The following SPTLC2 variants were observed in gnomAD, a reference collection of about 807,000 sequenced individuals.
SPTLC2 encodes the protein serine palmitoyltransferase 2.
SPTLC2 carries 21 observed loss-of-function variants against 62.0 expected under a neutral mutation model. That is an observed-to-expected ratio of 0.34 (90% CI 0.24 to 0.49). The LOEUF (loss-of-function observed/expected upper bound fraction) is 0.49, where lower values mean the gene tolerates loss of function less well. SPTLC2 is among the 20% of genes least tolerant of loss of function. The pLI, the probability that SPTLC2 is intolerant of heterozygous loss-of-function variation, is 0.99. For missense variants in SPTLC2, 511 were observed against 713.0 expected (o/e 0.72, Z 3.23); for synonymous variants, 261 against 261.8 (o/e 1.00, Z 0.03).
At chr14:77,537,048 G>A (rs555947110) in intron 9 of SPTLC2, among the ~76,000 whole-genome samples, 1 of 151,774 alleles carries the variant, frequency 6.6e-6, no homozygotes, top group East Asian at 1.9e-4. Flanking sequence ...TCAGCCTCCT[G>A]AATAGCTGGG....
At chr14:77,518,207 A>C (rs1451190778) in intron 10 of SPTLC2, 40 bp from the exon 11 acceptor site, 1 of 1,613,458 alleles carries the variant, frequency 6.2e-7, no homozygotes, top group Admixed American at 1.7e-5. Flanking sequence ...AGGAGGAGTG[A>C]AAAAGCACTC....
rs1008340654 is a variant in SPTLC2, at chr14:77,584,853, C to G, written c.328-5744G>C. ...CTAAAAACTGTATTTCCTGGACACC[C>G]TTGTGATCGGGTTGCGGATGTGATG... On this transcript the variant is annotated intron_variant, in intron 2 of 11. Coordinates refer to ENST00000216484, the MANE Select transcript of SPTLC2 (RefSeq NM_004863.4). Among the ~76,000 whole-genome samples, 3 of 152,200 alleles carry G rather than the reference C, an allele frequency of 2.0e-5. No homozygotes were observed. The East Asian group carries it at 5.8e-4, about 29-fold the overall frequency.
At chr14:77,546,650 T>C (rs962204896) in intron 9 of SPTLC2, among the ~76,000 whole-genome samples, 2 of 152,206 alleles carry the variant, frequency 1.3e-5, no homozygotes, top group Admixed American at 6.5e-5. Flanking sequence ...TCACCTATTG[T>C]TCAACTCTGC....
intron 1 of SPTLC2, among the ~76,000 whole-genome samples, chr14:77,598,988 G>A (rs983274027): frequency 6.6e-6 from 1 of 151,684 alleles, no homozygotes; most frequent in African/African-American, 2.4e-5. Flanking sequence ...CAAAACAAGG[G>A]GAAAAATTGT....
At chr14:77,538,957 C>T (rs2079485078) in intron 9 of SPTLC2, among the ~76,000 whole-genome samples, 1 of 151,848 alleles carries the variant, frequency 6.6e-6, no homozygotes, top group Non-Finnish European at 1.5e-5. Flanking sequence ...AGCCAAGTCA[C>T]TTAACCTCTG....
intron 9 of SPTLC2, among the ~76,000 whole-genome samples, chr14:77,533,856 T>C (rs2079453825): frequency 6.6e-6 from 1 of 152,136 alleles, no homozygotes; most frequent in African/African-American, 2.4e-5. Flanking sequence ...CCTCTACTTC[T>C]TTCTTTTAGA....
Position 77,606,373 on chromosome 14 carries a change from C to CTGTGTGTGTGTGTGTGTG in SPTLC2, c.133-9011_133-8994dup, listed in dbSNP as rs59065946. 7.5e-4 allele frequency among the ~76,000 whole-genome samples: 111 copies of CTGTGTGTGTGTGTGTGTG among 148,346 alleles called. 1 individual carries two copies. Among genetic ancestry groups the CTGTGTGTGTGTGTGTGTG allele is most frequent in the African/African-American group, 2.6e-3 (104 of 40,030 alleles). On this transcript the variant is annotated intron_variant, in intron 1 of 11. Transcript: ENST00000216484. ...TTTTGCTTTCCCAGGAGGGAGGGGA[C>CTGTGTGTGTGTGTGTGTG]TGTGTGTGTGTGTGTGTGTGTGTGT...
intron 5 of SPTLC2, among the ~76,000 whole-genome samples, chr14:77,564,411 ACACACAC>A (rs2079633173): frequency 6.5e-5 from 1 of 15,270 alleles, no homozygotes; most frequent in Non-Finnish European, 1.9e-4. Context: ...ACACACACAC[ACACACAC>A]ACACACACAC....
intron 11 of SPTLC2, among the ~76,000 whole-genome samples, chr14:77,513,895 CAAAAA>C (rs35769140): frequency 2.8e-5 from 3 of 106,248 alleles, no homozygotes; most frequent in Admixed American, 1.0e-4. Flanking sequence ...AACTCTGTCT[CAAAAA>C]AAAAAAAAAA....
chr14:77,603,622 C>G (rs1783089064), intron 1 of SPTLC2, among the ~76,000 whole-genome samples: 1 of 152,096 alleles, frequency 6.6e-6, no homozygotes, highest in Admixed American at 6.6e-5. Context: ...TAGTTTTTGT[C>G]AGTAAGTATC....
intron 2 of SPTLC2, among the ~76,000 whole-genome samples, chr14:77,596,459 C>T (rs924981006): frequency 1.3e-5 from 2 of 151,648 alleles, no homozygotes; most frequent in Non-Finnish European, 1.5e-5. Context: ...GCCGAGATCG[C>T]ACCACTGCAC....
At chr14:77,553,161 A>G (rs1011710483) in intron 8 of SPTLC2, among the ~76,000 whole-genome samples, 4 of 152,226 alleles carry the variant, frequency 2.6e-5, no homozygotes, top group Admixed American at 2.0e-4. Context: ...CTATTCTCTG[A>G]TATCTTTTAA....
intron 2 of SPTLC2, among the ~76,000 whole-genome samples, chr14:77,591,051 T>C (rs952084318): frequency 6.6e-6 from 1 of 152,214 alleles, no homozygotes; most frequent in African/African-American, 2.4e-5. Context: ...TTGAAAGGTT[T>C]ATTTTGAGTA....
At chr14:77,543,135 C>T (rs951600220) in intron 9 of SPTLC2, among the ~76,000 whole-genome samples, 8 of 152,200 alleles carry the variant, frequency 5.3e-5, no homozygotes, top group Non-Finnish European at 1.2e-4. Context: ...CTGCAACCTC[C>T]ACCTCCCGGG....
intron 1 of SPTLC2, among the ~76,000 whole-genome samples, chr14:77,616,119 T>C (rs2079965256): frequency 6.6e-6 from 1 of 152,214 alleles, no homozygotes; most frequent in African/African-American, 2.4e-5. Context: ...CGGCTCCCAC[T>C]GGAGTCCGAA....
intron 5 of SPTLC2, among the ~76,000 whole-genome samples, chr14:77,567,595 C>G (rs1234905304): frequency 6.6e-6 from 1 of 152,164 alleles, no homozygotes; most frequent in Non-Finnish European, 1.5e-5. Context: ...TGATGTCCCC[C>G]TCTCTCATTC....
chr14:77,601,080 T>C (rs775062287), intron 1 of SPTLC2, among the ~76,000 whole-genome samples: 5 of 152,202 alleles, frequency 3.3e-5, no homozygotes, highest in Non-Finnish European at 5.9e-5. Flanking sequence ...GATGGCATAT[T>C]TTTTGTTTAT....
chr14:77,603,381 T>C (rs2079888310), intron 1 of SPTLC2, among the ~76,000 whole-genome samples: 1 of 152,242 alleles, frequency 6.6e-6, no homozygotes, highest in African/African-American at 2.4e-5. Flanking sequence ...ATGTTTCTGT[T>C]GCTCCTTAAA....
At chr14:77,543,112 C>T (rs993146192) in intron 9 of SPTLC2, among the ~76,000 whole-genome samples, 4 of 152,160 alleles carry the variant, frequency 2.6e-5, no homozygotes, top group Non-Finnish European at 4.4e-5. Flanking sequence ...TGCAGTGGCA[C>T]GATCTCAGCT....
Sources: gnomAD v4.1 joint callset for allele counts (sites outside exome capture counted in the v4.1 genomes callset) on GRCh38, gnomAD v4.1.1 for gene constraint, MANE v1.5 for transcripts, NCBI Gene and HGNC (gene_info 2026-07-23, HGNC 2026-07-21) for gene names.